The following KAZN variants were observed in gnomAD, a reference collection of about 807,000 sequenced individuals.
KAZN encodes the protein kazrin.
Under a neutral mutation model 87.4 loss-of-function variants are expected in KAZN, and 40 were observed. The observed-to-expected ratio is 0.46, with a 90% CI of 0.36 to 0.60. The LOEUF is 0.60. Ranked by LOEUF, KAZN falls within the 20% of genes least tolerant of loss-of-function variation. The pLI is 0.00. For synonymous variants in KAZN, 466 were observed against 458.3 expected, an observed-to-expected ratio of 1.02 and a Z score of -0.22; for missense variants, 898 against 1,073.9, an observed-to-expected ratio of 0.84 and a Z score of 2.29.
chr1:13,997,932 G>A (rs963314243), intron 1 of KAZN, among the ~76,000 whole-genome samples: 1 of 152,058 alleles, frequency 6.6e-6, no homozygotes, highest in Non-Finnish European at 1.5e-5. Context: ...ATTCTCCAAG[G>A]TCGAAATGAA....
At chr1:14,091,109 CAAAAAAA>C (rs779056126) in intron 1 of KAZN, among the ~76,000 whole-genome samples, 273 of 51,940 alleles carry the variant, frequency 5.3e-3, no homozygotes, top group Non-Finnish European at 7.8e-3. Flanking sequence ...GAGACTCTGT[CAAAAAAA>C]AAAAAAAAAA....
At chr1:14,877,002 C>T (rs975311046) in intron 1 of KAZN, among the ~76,000 whole-genome samples, 1 of 152,216 alleles carries the variant, frequency 6.6e-6, no homozygotes, top group African/African-American at 2.4e-5. Flanking sequence ...TATATACATA[C>T]ATGTAGAGAT....
intron 1 of KAZN, among the ~76,000 whole-genome samples, chr1:14,644,307 C>T (rs932055171): frequency 1.1e-4 from 17 of 151,404 alleles, no homozygotes; most frequent in African/African-American, 3.9e-4. Context: ...CCACCACGCC[C>T]GCCTGCCCAC....
rs1327678738 is a variant in KAZN at position 14,586,316 on chromosome 1, G to C, written c.250-12667G>C. ...TGCCGCACAGATGGATCAATCAAAC[G>C]CCACAGTTTAATACGGTTCAACAAA... On this transcript the variant is annotated intron_variant, in intron 2 of 16. Coordinates refer to the KAZN transcript ENST00000636203. Among the ~76,000 whole-genome samples the C allele has an allele frequency of 2.0e-5, 3 of 152,260 alleles. No homozygotes were observed. The East Asian group carries it at 5.8e-4, about 29-fold the overall frequency.
At chr1:14,430,301 T>C (rs1022999936) in intron 2 of KAZN, among the ~76,000 whole-genome samples, 1 of 144,740 alleles carries the variant, frequency 6.9e-6, no homozygotes, top group Admixed American at 6.8e-5. Flanking sequence ...AATTAACACA[T>C]GTTTGCTGTG....
intron 1 of KAZN, among the ~76,000 whole-genome samples, chr1:13,906,942 G>A (rs949038855): frequency 1.4e-4 from 22 of 152,282 alleles, no homozygotes; most frequent in East Asian, 3.9e-4. Context: ...GGGATTCTTC[G>A]GGAAGTAAGG....
chr1:14,418,978 A>G (rs1665097827), intron 2 of KAZN, among the ~76,000 whole-genome samples: 1 of 152,194 alleles, frequency 6.6e-6, no homozygotes, highest in Non-Finnish European at 1.5e-5. Flanking sequence ...CTTGTCTGAA[A>G]ACTTCTAGCC....
At chr1:14,550,412 G>A (rs1199554741) in intron 2 of KAZN, among the ~76,000 whole-genome samples, 2 of 152,186 alleles carry the variant, frequency 1.3e-5, no homozygotes, top group Non-Finnish European at 2.9e-5. Context: ...GCAGAGATCT[G>A]GGTGAAAAGG....
At chr1:14,686,299 A>G (rs1414423540) in intron 1 of KAZN, among the ~76,000 whole-genome samples, 4 of 152,006 alleles carry the variant, frequency 2.6e-5, no homozygotes, top group Admixed American at 2.6e-4. Flanking sequence ...TCTTGACCTC[A>G]TGATCCACCT....
intron 2 of KAZN, among the ~76,000 whole-genome samples, chr1:14,399,025 G>A (rs972448788): frequency 8.5e-5 from 13 of 152,118 alleles, no homozygotes; most frequent in Admixed American, 4.6e-4. Context: ...ATTTTGGAGG[G>A]GGGGATTTTG....
intron 2 of KAZN, among the ~76,000 whole-genome samples, chr1:15,006,474 T>C (rs1003921914): frequency 2.0e-5 from 3 of 152,200 alleles, no homozygotes; most frequent in Non-Finnish European, 4.4e-5. Context: ...AGGCAGGGTC[T>C]TTCTCCTATC....
intron 1 of KAZN, among the ~76,000 whole-genome samples, chr1:14,833,633 G>A (rs554043079): frequency 1.8e-4 from 27 of 152,270 alleles, no homozygotes; most frequent in African/African-American, 6.0e-4. Context: ...TTGTGAGGCA[G>A]CCCCTTTTTC....
At chr1:14,794,688 T>A (rs1249057767) in intron 1 of KAZN, among the ~76,000 whole-genome samples, 2 of 152,232 alleles carry the variant, frequency 1.3e-5, no homozygotes, top group Non-Finnish European at 2.9e-5. Context: ...TATCAGTAAG[T>A]ACTTCACAGG....
intron 1 of KAZN, among the ~76,000 whole-genome samples, chr1:14,644,355 G>GTTTTTTTTTT (rs149320583): frequency 7.3e-6 from 1 of 136,498 alleles, no homozygotes; most frequent in African/African-American, 2.7e-5. Flanking sequence ...TTGTAAATTT[G>GTTTTTTTTTT]TTTTTTTTTT....
chr1:14,608,599 A>G (rs1441243182), intron 1 of KAZN, among the ~76,000 whole-genome samples: 1 of 152,218 alleles, frequency 6.6e-6, no homozygotes, highest in Non-Finnish European at 1.5e-5. Flanking sequence ...ACTACCTGGG[A>G]CCTTCTCCCC....
At chr1:14,045,206 A>C (rs1159196553) in intron 1 of KAZN, among the ~76,000 whole-genome samples, 1 of 152,162 alleles carries the variant, frequency 6.6e-6, no homozygotes, top group African/African-American at 2.4e-5. Flanking sequence ...TCAGGACCCA[A>C]ATGAAAGTGT....
At chr1:14,307,564 T>C (rs766732994) in intron 2 of KAZN, among the ~76,000 whole-genome samples, 3 of 152,228 alleles carry the variant, frequency 2.0e-5, no homozygotes, top group Non-Finnish European at 4.4e-5. Context: ...AAGACCATTA[T>C]CTATGCTAGT....
Position 14,153,459 on chromosome 1 carries a change from A to G in KAZN, c.92-26976A>G, listed in dbSNP as rs114912987. Among the ~76,000 whole-genome samples, 734 of 152,052 alleles carry G rather than the reference A, an allele frequency of 4.8e-3. 6 individuals carry two copies. The highest frequency in any genetic ancestry group is 0.016 in the African/African-American group (673 of 41,466). The stretch of plus-strand genomic sequence containing the variant: ...TTCATTTATGTCTTTTTCTCAGTGT[A>G]TGTTATTGGCACCTTTGTCAAAACT... On this transcript the variant is annotated intron_variant, in intron 1 of 16. Coordinates refer to the KAZN transcript ENST00000636203.
At chr1:15,065,994 C>T in intron 8 of KAZN, 1 of 1,338,218 alleles carries the variant, frequency 7.5e-7, no homozygotes, top group Non-Finnish European at 9.5e-7. Flanking sequence ...GCGTCGCCAC[C>T]TCTGTAATTG....
Sources: gnomAD v4.1 joint callset for allele counts (sites outside exome capture counted in the v4.1 genomes callset) on GRCh38, gnomAD v4.1.1 for gene constraint, MANE v1.5 for transcripts, NCBI Gene and HGNC (gene_info 2026-07-23, HGNC 2026-07-21) for gene names.